ALK: variants seen among roughly 807,000 people sequenced by gnomAD.
ALK encodes the protein ALK tyrosine kinase receptor.
In ALK, 74 loss-of-function variants were observed where a neutral mutation model predicts 163.1. The observed-to-expected ratio is 0.45, with a 90% CI of 0.38 to 0.55. The LOEUF is 0.55. Among genes scored for constraint, ALK ranks in the 20% least tolerant of loss-of-function variants. The pLI, the probability that ALK is intolerant of heterozygous loss-of-function variation, is 0.00. For synonymous variants in ALK, 960 were observed against 843.2 expected (o/e 1.14, Z -2.40); for missense variants, 2,063 against 2,105.3 (o/e 0.98, Z 0.39).
At chr2:29,371,344 T>C (rs1379865545) in intron 5 of ALK, among the ~76,000 whole-genome samples, 1 of 152,266 alleles carries the variant, frequency 6.6e-6, no homozygotes, top group Non-Finnish European at 1.5e-5. Context: ...TCCTAGGCTA[T>C]GCCCCTCGGC....
chr2:29,346,823 C>G (rs933646348), intron 5 of ALK, among the ~76,000 whole-genome samples: 1 of 152,106 alleles, frequency 6.6e-6, no homozygotes, highest in Non-Finnish European at 1.5e-5. Context: ...AATCTCTGAA[C>G]TGGGAGGAGG....
intron 3 of ALK, among the ~76,000 whole-genome samples, chr2:29,543,802 T>G (rs1222488414): frequency 1.3e-5 from 2 of 152,214 alleles, no homozygotes; most frequent in African/African-American, 4.8e-5. Flanking sequence ...TAGAAATTGC[T>G]CATGCCTCCC....
chr2:29,700,902 G>A (rs747491392), intron 2 of ALK, among the ~76,000 whole-genome samples: 1 of 152,184 alleles, frequency 6.6e-6, no homozygotes, highest in Non-Finnish European at 1.5e-5. Context: ...CTCTGAACCT[G>A]AGGGTGGAAA....
intron 5 of ALK, among the ~76,000 whole-genome samples, chr2:29,380,521 C>G (rs987216903): frequency 6.6e-6 from 1 of 151,530 alleles, no homozygotes; most frequent in Non-Finnish European, 1.5e-5. Flanking sequence ...CAGGTTCAAG[C>G]GATTCTCCTG....
chr2:29,659,052 T>G (rs1677273333), intron 3 of ALK, among the ~76,000 whole-genome samples: 1 of 152,072 alleles, frequency 6.6e-6, no homozygotes, highest in Admixed American at 6.5e-5. Flanking sequence ...TCCCCTCCCC[T>G]TAAAGAGATG....
chr2:29,785,549 C>A (rs1663986690), intron 1 of ALK, among the ~76,000 whole-genome samples: 1 of 152,176 alleles, frequency 6.6e-6, no homozygotes, highest in African/African-American at 2.4e-5. Context: ...TGTCCACAAC[C>A]TTTCACACAA....
chr2:29,757,745 C>A (rs1002921032), intron 1 of ALK, among the ~76,000 whole-genome samples: 1 of 151,992 alleles, frequency 6.6e-6, no homozygotes, highest in Non-Finnish European at 1.5e-5. Flanking sequence ...ATATTTTGTG[C>A]CATATAAGAA....
At chr2:29,667,961 A>G (rs1677568727) in intron 3 of ALK, among the ~76,000 whole-genome samples, 1 of 152,020 alleles carries the variant, frequency 6.6e-6, no homozygotes, top group African/African-American at 2.4e-5. Flanking sequence ...CTTCAATCTC[A>G]TTACTCATTA....
At chr2:29,486,815 GAAAT>G (rs1229660835) in intron 4 of ALK, among the ~76,000 whole-genome samples, 5 of 152,130 alleles carry the variant, frequency 3.3e-5, no homozygotes. Flanking sequence ...TACAGAGGAG[GAAAT>G]AATAGTAGCA....
At chr2:29,471,740 CTT>C (rs112148653) in intron 4 of ALK, among the ~76,000 whole-genome samples, 46 of 145,620 alleles carry the variant, frequency 3.2e-4, no homozygotes, top group Middle Eastern at 3.6e-3. Context: ...ACTTTCTTTT[CTT>C]TTTTTTTTTT....
At chr2:29,348,485 A>G (rs965687996) in intron 5 of ALK, among the ~76,000 whole-genome samples, 1 of 152,226 alleles carries the variant, frequency 6.6e-6, no homozygotes, top group Non-Finnish European at 1.5e-5. Context: ...CCTTGTATCA[A>G]TAGTGTCATT....
intron 1 of ALK, among the ~76,000 whole-genome samples, chr2:29,863,449 T>C (rs1666346413): frequency 6.6e-6 from 1 of 152,138 alleles, no homozygotes; most frequent in Admixed American, 6.5e-5. Context: ...AATTTAAAAA[T>C]GAGCAAATGA....
intron 3 of ALK, among the ~76,000 whole-genome samples, chr2:29,631,578 ATTAG>A (rs1676376803): frequency 6.6e-6 from 1 of 152,244 alleles, no homozygotes; most frequent in African/African-American, 2.4e-5. Context: ...ATCTTAGTGA[ATTAG>A]TTAACCTCTT....
intron 3 of ALK, among the ~76,000 whole-genome samples, chr2:29,582,870 T>TTA (rs1674752026): frequency 6.7e-6 from 1 of 150,206 alleles, no homozygotes; most frequent in Non-Finnish European, 1.5e-5. Flanking sequence ...CTTTTTTTTT[T>TTA]TTTTTCTATT....
intron 11 of ALK, among the ~76,000 whole-genome samples, chr2:29,263,161 C>T (rs778041750): frequency 7.2e-5 from 11 of 152,112 alleles, no homozygotes; most frequent in Admixed American, 5.9e-4. Flanking sequence ...ACACTCAAGC[C>T]CAAAGGGTCA....
chr2:29,556,938 T>G (rs1229827552), intron 3 of ALK, among the ~76,000 whole-genome samples: 2 of 152,234 alleles, frequency 1.3e-5, no homozygotes, highest in Non-Finnish European at 2.9e-5. Context: ...TTTCTCCTTT[T>G]ATTAATAATA....
chr2:29,247,541 C>T (rs762218900), intron 12 of ALK, among the ~76,000 whole-genome samples: 1 of 152,248 alleles, frequency 6.6e-6, no homozygotes, highest in Non-Finnish European at 1.5e-5. Context: ...GCCTGCCCCG[C>T]ACCCCCTTCC....
intron 26 of ALK, among the ~76,000 whole-genome samples, chr2:29,200,233 A>G (rs1669122746): frequency 6.6e-6 from 1 of 152,218 alleles, no homozygotes; most frequent in Admixed American, 6.5e-5. Context: ...GCAAAATCAA[A>G]TGAACAAGAA....
At chr2:29,564,922 G>A (rs1674136362) in intron 3 of ALK, among the ~76,000 whole-genome samples, 1 of 152,202 alleles carries the variant, frequency 6.6e-6, no homozygotes, top group East Asian at 1.9e-4. Flanking sequence ...ACCCAGGCTT[G>A]CAGGCCAGTT....
Sources: gnomAD v4.1 joint callset for allele counts (sites outside exome capture counted in the v4.1 genomes callset) on GRCh38, gnomAD v4.1.1 for gene constraint, MANE v1.5 for transcripts, NCBI Gene and HGNC (gene_info 2026-07-23, HGNC 2026-07-21) for gene names.